Variants in ZNF584 observed in about 807,000 individuals in gnomAD.
The protein encoded by ZNF584 is zinc finger protein 584.
Under a neutral mutation model 14.7 loss-of-function variants are expected in ZNF584, and 12 were observed. The observed-to-expected ratio is 0.82, with a 90% CI of 0.52 to 1.32. ZNF584 has a LOEUF of 1.32. ZNF584 is among the 40% of genes most tolerant of loss of function. ZNF584 has a pLI of 0.00. For missense variants in ZNF584, 478 were observed against 518.8 expected (o/e 0.92, Z 0.76); for synonymous variants, 204 against 190.9 (o/e 1.07, Z -0.57).
rs1555785528 is a variant in ZNF584 at position 58,410,541 on chromosome 19, A to AATTTTTTTTTTTTTTTTTTTTTTTTTT, written c.169+450_169+451insATTTTTTTTTTTTTTTTTTTTTTTTTT. Among the ~76,000 whole-genome samples the AATTTTTTTTTTTTTTTTTTTTTTTTTT allele has an allele frequency of 1.1e-4, 5 of 43,774 alleles. 1 individual carries two copies. The highest frequency in any genetic ancestry group is 9.5e-4 in the African/African-American group (5 of 5,282). The allele number at this position is 43,774 out of a possible 152,430, so 28.7% of individuals were successfully genotyped here. A position where few individuals can be genotyped will look rare whatever the true frequency, so the allele number is the denominator to read the frequency against. ...GAAATATATATATATATATATATAT[A>AATTTTTTTTTTTTTTTTTTTTTTTTTT]TATATATATATATATATGTGTATAT... is the stretch of plus-strand genomic sequence containing the variant. On this transcript the variant is annotated intron_variant, in intron 2 of 3. Transcript: ENST00000306910.
At chr19:58,402,908 G>C (rs576211025) in intron 1 of ZNF584, among the ~76,000 whole-genome samples, 2 of 150,306 alleles carry the variant, frequency 1.3e-5, no homozygotes, top group African/African-American at 4.9e-5. Flanking sequence ...CTGGCAAATA[G>C]GCACATGAAA....
intron 2 of ZNF584, among the ~76,000 whole-genome samples, chr19:58,414,505 A>ATTTT (rs35228695): frequency 1.1e-4 from 16 of 148,766 alleles, no homozygotes; most frequent in South Asian, 2.1e-4. Flanking sequence ...TGCCCGGGTA[A>ATTTT]TTTTTTTTTT....
chr19:58,411,499 C>T (rs543247321), intron 2 of ZNF584, among the ~76,000 whole-genome samples: 4 of 146,962 alleles, frequency 2.7e-5, no homozygotes, highest in African/African-American at 7.7e-5. Flanking sequence ...GCACTCCAGC[C>T]TGGGCAACAA....
chr19:58,416,189 C>T (rs1472655763), intron 3 of ZNF584: 2 of 409,746 alleles, frequency 4.9e-6, no homozygotes, highest in Non-Finnish European at 8.8e-6. Flanking sequence ...GAGCCATATT[C>T]AGTTGTGCCA....
At chr19:58,409,209 G>C (rs896061820) in intron 1 of ZNF584, 44 bp downstream of exon 1, 1 of 1,397,180 alleles carries the variant, frequency 7.2e-7, no homozygotes. Flanking sequence ...CCCACCAGGT[G>C]GGGGGCGGCG....
rs145176578 is a variant in ZNF584, at chr19:58,409,560, A to G, written c.19-381A>G. Reference sequence around the variant, plus strand: ...TGAGACCTAAGGGAGAAGGATGAGCATAGGTTTGGTTGCGTCTGAGAGGTA... The same window carrying G: ...TGAGACCTAAGGGAGAAGGATGAGCGTAGGTTTGGTTGCGTCTGAGAGGTA... On this transcript the variant is annotated intron_variant, in intron 1 of 3. Coordinates refer to ENST00000306910, the MANE Select transcript of ZNF584 (RefSeq NM_173548.3). Among the ~76,000 whole-genome samples the G allele has an allele frequency of 3.2e-3, 482 of 152,284 alleles. 1 individual carries two copies. The highest frequency in any genetic ancestry group is 5.0e-3 in the Admixed American group (77 of 15,292).
intron 2 of ZNF584, 117 bp downstream of exon 2, chr19:58,410,208 G>T (rs1390193314): frequency 7.4e-7 from 1 of 1,344,454 alleles, no homozygotes; most frequent in Admixed American, 2.9e-5. Flanking sequence ...ATTCCCTGTT[G>T]TAGGTATTGT....
At chr19:58,410,185 C>G (rs2052526334) in intron 2 of ZNF584, 94 bp downstream of exon 2, 1 of 1,435,590 alleles carries the variant, frequency 7.0e-7, no homozygotes, top group Admixed American at 2.7e-5. Flanking sequence ...CATGGGGGCT[C>G]TTTCCTTCCC....
chr19:58,406,368 G>GGGGGA (rs1347806680), upstream of ZNF584: 1 of 106,756 alleles, frequency 9.4e-6, no homozygotes, highest in Non-Finnish European at 2.1e-5. Flanking sequence ...GGGGGAGGGG[G>GGGGGA]AGGAGGGAAG....
chr19:58,415,697 T>G, intron 3 of ZNF584, 51 bp downstream of exon 3: 1 of 1,608,344 alleles, frequency 6.2e-7, no homozygotes, highest in East Asian at 2.2e-5. Context: ...GCTCACAGAA[T>G]GCTGAGTACC....
intron 1 of ZNF584, among the ~76,000 whole-genome samples, chr19:58,402,988 A>G (rs1379803287): frequency 2.6e-5 from 4 of 152,212 alleles, no homozygotes; most frequent in Admixed American, 2.6e-4. Flanking sequence ...CTATACATCT[A>G]TTAGAATGGC....
rs1430430005 is a variant in ZNF584 at position 58,415,533 on chromosome 19, C to G, written c.179C>G (p.Pro60Arg). 1 of 1,612,754 alleles carries G rather than the reference C, an allele frequency of 6.2e-7. No homozygotes were observed. Among genetic ancestry groups the G allele is most frequent in the Non-Finnish European group, 8.5e-7 (1 of 1,178,964 alleles). ...FALVSSLGLAPSRSPVFTQLE... is the reference protein window; with the variant it reads ...FALVSSLGLARSRSPVFTQLE... ...TACCTGTCACCCGCAGGACTTGCAC[C>G]TTCGAGATCCCCTGTGTTTACCCAG... Residue 60 changes from proline (P) to arginine (R), a missense_variant, in exon 3 of 4, where the codon CCT (proline) becomes CGT (arginine). Transcript: ENST00000306910.
intron 1 of ZNF584, chr19:58,401,740 GTGGCACAGACTCGTCCCCGGCCC>G (rs1412398239): frequency 1.3e-5 from 2 of 150,330 alleles, no homozygotes; most frequent in Admixed American, 1.3e-4. Flanking sequence ...GGACGAGTCT[GTGGCACAGACTCGTCCCCGGCCC>G]CGCGGGCTTA....
In ZNF584 at chr19:58,417,325, T is replaced by G; in HGVS notation, c.807T>G (p.Pro269=). The G allele has an allele frequency of 6.2e-7, 1 of 1,614,192 alleles. No homozygotes were observed. Reference sequence around the variant, plus strand: ...AGAGGATTCACACTGGAGAAAGGCCTTACGAGTGCAGCAAATGTGGTAAAA... The same window carrying G: ...AGAGGATTCACACTGGAGAAAGGCCGTACGAGTGCAGCAAATGTGGTAAAA... ...LHQRIHTGER[P]YECSKCGKTF... The change falls in exon 4 of 4, where the codon CCT becomes CCG. Residue 269 remains proline (P), a synonymous_variant. Coordinates refer to ENST00000306910, the MANE Select transcript of ZNF584 (RefSeq NM_173548.3).
Position 58,415,537 on chromosome 19 carries a change from G to T in ZNF584, c.183G>T (p.Ser61=). ...TGTCACCCGCAGGACTTGCACCTTC[G>T]AGATCCCCTGTGTTTACCCAGCTGG... is the stretch of plus-strand genomic sequence containing the variant. ...ALVSSLGLAP[S]RSPVFTQLED... is the part of the protein sequence containing the mutation. The change falls in exon 3 of 4, where the codon TCG becomes TCT. Residue 61 remains serine, a synonymous_variant. Coordinates refer to ENST00000306910, the MANE Select transcript of ZNF584 (RefSeq NM_173548.3). The T allele has an allele frequency of 6.2e-7, 1 of 1,612,882 alleles. No individual in the cohort carries two copies. The highest frequency in any genetic ancestry group is 1.1e-5 in the South Asian group (1 of 90,950).
chr19:58,415,915 T>G, intron 3 of ZNF584: 1 of 1,598,966 alleles, frequency 6.3e-7, no homozygotes, highest in South Asian at 1.1e-5. Context: ...GTGCGTGTCT[T>G]GAAATGTGCA....
In ZNF584 at chr19:58,415,459, G is replaced by A. The variant is rs1040534192; in HGVS notation, c.170-65G>A. On this transcript the variant is annotated intron_variant, in intron 2 of 3. Coordinates refer to ENST00000306910, the MANE Select transcript of ZNF584 (RefSeq NM_173548.3). ...GTGATCTCCTACCTCACTTTCCAAA[G>A]TGCTGGGATTACAGGCATCAGCCAC... The A allele has an allele frequency of 4.5e-6, 7 of 1,563,262 alleles. No homozygotes were observed. The African/African-American group carries it at 8.1e-5, about 18-fold the overall frequency.
At position 58,410,657 on chromosome 19, in the gene ZNF584, GTATA is replaced by G. The variant is rs1168823270; in HGVS notation, c.169+570_169+573del. Reference sequence around the variant, plus strand: ...TGTGTATATATATGTGTATATATGTGTATATATGTATATATGTGTATATATATGT... The same window carrying G: ...TGTGTATATATATGTGTATATATGTGTATGTATATATGTGTATATATATGT... On this transcript the variant is annotated intron_variant, in intron 2 of 3. Transcript: ENST00000306910. 1.8e-4 allele frequency among the ~76,000 whole-genome samples: 3 copies of G among 16,252 alleles called. 1 individual carries two copies. Among genetic ancestry groups the G allele is most frequent in the Non-Finnish European group, 3.2e-4 (3 of 9,490 alleles). The allele number at this position is 16,252 out of a possible 152,430, so 10.7% of individuals were successfully genotyped here. A position where few individuals can be genotyped will look rare whatever the true frequency, so the allele number is the denominator to read the frequency against.
rs377147324 is a variant in ZNF584, at chr19:58,415,930, T to G, written c.292+284T>G. On this transcript the variant is annotated intron_variant, in intron 3 of 3. Transcript: ENST00000306910. ...GTGCGTGTCTTGAAATGTGCACATA[T>G]CCTTAAACAGGTATTTGAACTTCAG... is the stretch of plus-strand genomic sequence containing the variant. 3.5e-5 allele frequency: 56 copies of G among 1,597,356 alleles called. No homozygotes were observed. The African/African-American group carries it at 7.2e-4, about 21-fold the overall frequency.
Sources: allele counts gnomAD v4.1 joint callset (sites outside exome capture counted in the v4.1 genomes callset), GRCh38; gene constraint gnomAD v4.1.1; transcripts MANE v1.5; gene names NCBI Gene and HGNC (gene_info 2026-07-23, HGNC 2026-07-21).